The following RNF149 variants were observed in gnomAD, a reference collection of about 807,000 sequenced individuals.
RNF149 encodes ring finger protein 149.
In RNF149, 21 loss-of-function variants were observed where a neutral mutation model predicts 39.0. The observed-to-expected ratio is 0.54, with a 90% confidence interval of 0.38 to 0.77. RNF149 has a LOEUF of 0.77. Among genes scored for constraint, RNF149 ranks in the 30% least tolerant of loss-of-function variants. RNF149 has a pLI of 0.00. For missense variants in RNF149, 493 were observed against 534.9 expected, an observed-to-expected ratio of 0.92 and a Z score of 0.77; for synonymous variants, 209 against 213.6, an observed-to-expected ratio of 0.98 and a Z score of 0.19.
chr2:101,282,914 C>T (rs1394930074), intron 5 of RNF149, among the ~76,000 whole-genome samples: 1 of 152,122 alleles, frequency 6.6e-6, no homozygotes, highest in Non-Finnish European at 1.5e-5. Flanking sequence ...ACGTAACGCC[C>T]TCCCATCCCT....
intron 1 of RNF149, among the ~76,000 whole-genome samples, chr2:101,304,582 A>G (rs1040961972): frequency 2.0e-5 from 3 of 152,282 alleles, no homozygotes; most frequent in Non-Finnish European, 4.4e-5. Flanking sequence ...TCTATCCCTC[A>G]GGAGGTATAA....
intron 6 of RNF149, among the ~76,000 whole-genome samples, chr2:101,281,058 A>G (rs1205225260): frequency 6.6e-6 from 1 of 152,104 alleles, no homozygotes; most frequent in African/African-American, 2.4e-5. Flanking sequence ...AACACAAAAA[A>G]CAAAACAAAA....
At chr2:101,292,146 A>C (rs1239441033) in intron 3 of RNF149, among the ~76,000 whole-genome samples, 2 of 152,192 alleles carry the variant, frequency 1.3e-5, no homozygotes, top group Non-Finnish European at 2.9e-5. Context: ...ACAACACTTG[A>C]AGTATGGTTT....
intron 1 of RNF149, among the ~76,000 whole-genome samples, chr2:101,300,769 T>G (rs887645765): frequency 3.3e-5 from 5 of 152,240 alleles, no homozygotes; most frequent in African/African-American, 9.6e-5. Flanking sequence ...GAACGACGGC[T>G]CTTTATACCC....
downstream of RNF149, among the ~76,000 whole-genome samples, chr2:101,274,450 A>G (rs971927477): frequency 6.6e-6 from 1 of 152,210 alleles, no homozygotes; most frequent in Non-Finnish European, 1.5e-5. Flanking sequence ...AGGAACCCTT[A>G]TAACCAAATC....
Position 101,276,922 on chromosome 2 carries a change from C to T in RNF149, c.*316G>A. On this transcript the variant is annotated 3_prime_UTR_variant, in exon 7 of 7. Transcript: ENST00000295317. ...ATAGAATTAACTGGTTTTTACAGAA[C>T]CATAGCAGCCAATTATTTAGAAACA... 9.3e-7 allele frequency: 1 copy of T among 1,073,088 alleles called. No individual in the cohort carries two copies. The highest frequency in any genetic ancestry group is 1.1e-6 in the Non-Finnish European group (1 of 880,412). 66.5% of individuals were successfully genotyped at this position (1,073,088 alleles called of 1,614,324 possible).
intron 3 of RNF149, among the ~76,000 whole-genome samples, chr2:101,290,780 AAGT>A (rs1170127290): frequency 2.0e-5 from 3 of 152,194 alleles, no homozygotes; most frequent in Non-Finnish European, 4.4e-5. Context: ...GCTGGGGAGA[AAGT>A]AGTCTTGTGA....
intron 3 of RNF149, among the ~76,000 whole-genome samples, chr2:101,290,668 T>C (rs1333314316): frequency 2.0e-5 from 3 of 152,194 alleles, no homozygotes; most frequent in Non-Finnish European, 4.4e-5. Flanking sequence ...GGCTAAATAT[T>C]TGAAAATAGT....
At chr2:101,281,831 A>C in intron 6 of RNF149, 28 bp downstream of exon 6, 1 of 1,612,118 alleles carries the variant, frequency 6.2e-7, no homozygotes. Flanking sequence ...GCCACATTCT[A>C]TTGTTTTATA....
At position 101,277,187 on chromosome 2, in the gene RNF149, C is replaced by G. The variant is rs536324322; in HGVS notation, c.*51G>C. 1 of 1,606,288 alleles carries G rather than the reference C, an allele frequency of 6.2e-7. No homozygotes were observed. The highest frequency in any genetic ancestry group is 1.1e-5 in the South Asian group (1 of 89,956). On this transcript the variant is annotated 3_prime_UTR_variant, in exon 7 of 7. Coordinates refer to ENST00000295317, the MANE Select transcript of RNF149 (RefSeq NM_173647.4). Reference sequence around the variant, plus strand: ...TGCTAAAGTAAAAAAAATAAAATGTCCTTTAGTTCAAGCCAAACTTCTGTT... The same window carrying G: ...TGCTAAAGTAAAAAAAATAAAATGTGCTTTAGTTCAAGCCAAACTTCTGTT...
chr2:101,308,659 G>C lies in RNF149; in HGVS notation c.-71C>G, dbSNP rs916961007. On this transcript the variant is annotated 5_prime_UTR_variant, in exon 1 of 7. Transcript: ENST00000295317. ...GTGCGGTGCAGTCGAAGAGCAGAGA[G>C]AAGCGGACACCCACCGCCGCCCTGG... The C allele has an allele frequency of 1.0e-5, 14 of 1,340,662 alleles. No homozygotes were observed. The highest frequency in any genetic ancestry group is 1.6e-5 in the South Asian group (1 of 64,182). The allele number at this position is 1,340,662 out of a possible 1,614,324, so 83.0% of individuals were successfully genotyped here. A position where few individuals can be genotyped will look rare whatever the true frequency, so the allele number is the denominator to read the frequency against.
rs1010668514 is a variant in RNF149 at position 101,275,913 on chromosome 2, T to G, written c.*1325A>C. The G allele has an allele frequency of 5.1e-6, 5 of 985,232 alleles. No individual in the cohort carries two copies. In the African/African-American group the frequency reaches 8.7e-5, roughly 17 times the overall value. 61.0% of individuals were successfully genotyped at this position (985,232 alleles called of 1,614,324 possible). ...ACTCAGTGTGCAAAGCGAAATACAT[T>G]TTCTACTTCAATAGCTCCTCATACT... On this transcript the variant is annotated 3_prime_UTR_variant, in exon 7 of 7. Transcript: ENST00000295317.
chr2:101,295,873 C>T (rs1267601845), intron 1 of RNF149, among the ~76,000 whole-genome samples: 1 of 151,982 alleles, frequency 6.6e-6, no homozygotes, highest in Non-Finnish European at 1.5e-5. Flanking sequence ...ACCATACAAG[C>T]CAGGTATGGT....
chr2:101,279,341 A>C (rs1019771284), intron 6 of RNF149, among the ~76,000 whole-genome samples: 1 of 152,202 alleles, frequency 6.6e-6, no homozygotes, highest in African/African-American at 2.4e-5. Flanking sequence ...TAGTTCTAAG[A>C]GGGTATTTCA....
At chr2:101,301,479 C>T (rs1326414148) in intron 1 of RNF149, among the ~76,000 whole-genome samples, 1 of 151,862 alleles carries the variant, frequency 6.6e-6, no homozygotes, top group Non-Finnish European at 1.5e-5. Context: ...GCCACCTCAC[C>T]CAGCTAATTT....
At position 101,276,785 on chromosome 2, in the gene RNF149, C is replaced by A. The variant is rs1682360433; in HGVS notation, c.*453G>T. 4 of 986,572 alleles carry A rather than the reference C, an allele frequency of 4.1e-6. No individual in the cohort carries two copies. In the Admixed American group the frequency reaches 1.8e-4, roughly 44 times the overall value. The allele number at this position is 986,572 out of a possible 1,614,324, so 61.1% of individuals were successfully genotyped here. A position where few individuals can be genotyped will look rare whatever the true frequency, so the allele number is the denominator to read the frequency against. The stretch of plus-strand genomic sequence containing the variant: ...TTTCAAGTTCTTAAAAAAAAAACAA[C>A]AAAAAAAACCTTTCCTCCAGGGAAA... On this transcript the variant is annotated 3_prime_UTR_variant, in exon 7 of 7. Coordinates refer to ENST00000295317, the MANE Select transcript of RNF149 (RefSeq NM_173647.4).
intron 4 of RNF149, 104 bp downstream of exon 4, chr2:101,288,869 A>G (rs1166641055): frequency 1.3e-5 from 8 of 625,550 alleles, no homozygotes; most frequent in South Asian, 2.0e-5. Context: ...AGATGATCAC[A>G]AATTACAAGA....
At chr2:101,282,233 G>T (rs1012627545) in intron 5 of RNF149, among the ~76,000 whole-genome samples, 176 bp from the exon 6 acceptor site, 1 of 151,230 alleles carries the variant, frequency 6.6e-6, no homozygotes, top group Non-Finnish European at 1.5e-5. Flanking sequence ...ATTCCTTCTC[G>T]ACAACCAATC....
chr2:101,272,952 T>C (rs1203413936), downstream of RNF149: 9 of 1,352,080 alleles, frequency 6.7e-6, no homozygotes, highest in South Asian at 5.7e-5. Context: ...GTCAGACTAG[T>C]GGTTCGCTTC....
Sources: gnomAD v4.1 joint callset for allele counts (sites outside exome capture counted in the v4.1 genomes callset) on GRCh38, gnomAD v4.1.1 for gene constraint, MANE v1.5 for transcripts, NCBI Gene and HGNC (gene_info 2026-07-23, HGNC 2026-07-21) for gene names.